Variants in DYTN observed in about 807,000 individuals in gnomAD.
DYTN encodes the protein dystrotelin.
DYTN carries 75 observed loss-of-function variants against 69.6 expected under a neutral mutation model. The observed-to-expected ratio is 1.08, with a 90% CI of 0.89 to 1.31. DYTN has a LOEUF of 1.31. DYTN is among the 50% of genes most tolerant of loss of function. The pLI is 0.00. For missense variants in DYTN, 726 were observed against 688.4 expected (o/e 1.05, Z -0.61); for synonymous variants, 252 against 249.1 (o/e 1.01, Z -0.11).
In DYTN at chr2:206,693,197, C is replaced by T; in HGVS notation, c.958G>A (p.Val320Met). Reference sequence around the variant, plus strand: ...CACCTGGCCTGCGCATGGTGAGGCACACCCTTTGGATTCACCTGGTCCAGC... The same window carrying T: ...CACCTGGCCTGCGCATGGTGAGGCATACCCTTTGGATTCACCTGGTCCAGC... ...QLLDQVNPKG[V>M]PHHAQARLLK... Residue 320 changes from valine (V) to methionine (M), a missense_variant, in exon 9 of 12, where the codon GTG (valine) becomes ATG (methionine). Transcript: ENST00000452335. 6.2e-7 allele frequency: 1 copy of T among 1,612,390 alleles called. No individual in the cohort carries two copies. Among genetic ancestry groups the T allele is most frequent in the Non-Finnish European group, 8.5e-7 (1 of 1,179,594 alleles).
chr2:206,665,898 T>C lies in DYTN; in HGVS notation c.1112A>G (p.Lys371Arg). The C allele has an allele frequency of 6.2e-7, 1 of 1,613,970 alleles. No individual in the cohort carries two copies. ...LKTNQDSLWTKLQQIRRDLQA... is the reference protein window; with the variant it reads ...LKTNQDSLWTRLQQIRRDLQA... ...TAGGTCCCGTCTTATCTGTTGTAGC[T>C]TGGTCCATAGACTATCCTGGTTGGT... Residue 371 changes from lysine to arginine, a missense_variant, in exon 10 of 12, where the codon AAG (lysine) becomes AGG (arginine). Transcript: ENST00000452335.
intron 11 of DYTN, among the ~76,000 whole-genome samples, chr2:206,658,831 T>C (rs1464674511): frequency 6.6e-6 from 1 of 152,194 alleles, no homozygotes; most frequent in Non-Finnish European, 1.5e-5. Context: ...TCTACTCCTC[T>C]GTCTTGACTT....
At chr2:206,667,248 T>C (rs1396570714) in intron 9 of DYTN, among the ~76,000 whole-genome samples, 1 of 152,170 alleles carries the variant, frequency 6.6e-6, no homozygotes, top group Non-Finnish European at 1.5e-5. Flanking sequence ...CTTTCCGGCT[T>C]ATTCACTGCC....
intron 9 of DYTN, among the ~76,000 whole-genome samples, chr2:206,674,477 C>A (rs550320934): frequency 6.6e-6 from 1 of 152,060 alleles, no homozygotes; most frequent in East Asian, 1.9e-4. Context: ...GTGCCCAGGG[C>A]TTTACTGTTG....
chr2:206,685,870 C>G (rs1699799861), intron 9 of DYTN, among the ~76,000 whole-genome samples: 1 of 151,998 alleles, frequency 6.6e-6, no homozygotes, highest in Non-Finnish European at 1.5e-5. Flanking sequence ...AACACTCCAG[C>G]ACCAGCCAAA....
In DYTN at chr2:206,707,296, C is replaced by G; in HGVS notation, c.296+6G>C. 6.2e-7 allele frequency: 1 copy of G among 1,610,406 alleles called. No individual in the cohort carries two copies. Among genetic ancestry groups the G allele is most frequent in the Non-Finnish European group, 8.5e-7 (1 of 1,178,576 alleles). On this transcript the variant is annotated splice_donor_region_variant and intron_variant, in intron 3 of 11. Coordinates refer to ENST00000452335, the MANE Select transcript of DYTN (RefSeq NM_001093730.1). ...TGAGGTCACAGCGCGACGTCCACACCCTCACCTGTTGTACATTGTCGTGAG... is the reference window on the plus strand; with the variant it reads ...TGAGGTCACAGCGCGACGTCCACACGCTCACCTGTTGTACATTGTCGTGAG...
At chr2:206,664,073 GA>G (rs35598459) in intron 10 of DYTN, among the ~76,000 whole-genome samples, 1,750 of 142,032 alleles carry the variant, frequency 0.012, 26 homozygotes, top group South Asian at 0.089. Context: ...ACTAGCAGTG[GA>G]AAAAAAAAAA....
chr2:206,713,126 C>A (rs1283033035), intron 1 of DYTN, among the ~76,000 whole-genome samples: 1 of 152,096 alleles, frequency 6.6e-6, no homozygotes, highest in Admixed American at 6.6e-5. Context: ...TTTTAATTGA[C>A]AAATAAATAT....
intron 7 of DYTN, among the ~76,000 whole-genome samples, chr2:206,697,438 CTACCTGCAGATCTGCAA>C (rs1163879496): frequency 6.6e-6 from 1 of 152,192 alleles, no homozygotes; most frequent in Non-Finnish European, 1.5e-5. Flanking sequence ...CCTCTTCCTG[CTACCTGCAGATCTGCAA>C]ATGCATGCCC....
intron 8 of DYTN, among the ~76,000 whole-genome samples, chr2:206,694,218 C>G (rs745671836): frequency 5.9e-5 from 9 of 152,098 alleles, no homozygotes; most frequent in Non-Finnish European, 1.0e-4. Flanking sequence ...ACTGAATTCA[C>G]TTGCTAGGTA....
At chr2:206,703,671 C>A (rs574539974) in intron 5 of DYTN, among the ~76,000 whole-genome samples, 1 of 152,162 alleles carries the variant, frequency 6.6e-6, no homozygotes, top group African/African-American at 2.4e-5. Flanking sequence ...AATCCATACT[C>A]CCTGTCCTAG....
intron 9 of DYTN, among the ~76,000 whole-genome samples, chr2:206,675,145 G>GTGTGTGTGTATA (rs1415225495): frequency 0.017 from 2,015 of 120,194 alleles, 48 homozygotes; most frequent in African/African-American, 0.064. Context: ...GTGTGTGTGT[G>GTGTGTGTGTATA]TATATATGTG....
intron 4 of DYTN, 51 bp downstream of exon 4, chr2:206,705,737 G>A (rs1574603073): frequency 1.9e-6 from 3 of 1,562,378 alleles, no homozygotes; most frequent in Non-Finnish European, 2.6e-6. Context: ...AACAGGTTGG[G>A]GATTTGGGGC....
In DYTN at chr2:206,677,078, C is replaced by G. The variant is rs1282416113; in HGVS notation, c.981-11049G>C. ...TCTCCTGCCTCAACCTCCCGAGTAG[C>G]TGGGATTACCGGAGTGTGCCACCAC... On this transcript the variant is annotated intron_variant, in intron 9 of 11. Transcript: ENST00000452335. Among the ~76,000 whole-genome samples the G allele has an allele frequency of 2.0e-5, 3 of 152,110 alleles. No individual in the cohort carries two copies. The East Asian group carries it at 5.8e-4, about 29-fold the overall frequency.
At chr2:206,676,635 A>G (rs958309012) in intron 9 of DYTN, among the ~76,000 whole-genome samples, 1 of 152,212 alleles carries the variant, frequency 6.6e-6, no homozygotes, top group African/African-American at 2.4e-5. Flanking sequence ...AAAAATGAAA[A>G]GGGGGAAAAT....
chr2:206,699,693 A>G lies in DYTN; in HGVS notation c.719+34T>C, dbSNP rs769624988. 1.3e-5 allele frequency: 21 copies of G among 1,598,378 alleles called. No individual in the cohort carries two copies. In the Admixed American group the frequency reaches 2.3e-4, roughly 17 times the overall value. ...CTCCAACTGTAGAACCATATGGAGA[A>G]TGATAATCCAAGAAATGCTGCTGAT... On this transcript the variant is annotated intron_variant, in intron 7 of 11. Transcript: ENST00000452335.
At chr2:206,712,988 C>T (rs949302926) in intron 1 of DYTN, among the ~76,000 whole-genome samples, 48 of 152,294 alleles carry the variant, frequency 3.2e-4, no homozygotes, top group African/African-American at 1.1e-3. Context: ...GTGTAGCTTG[C>T]GAATGAAATC....
chr2:206,679,804 T>TATA (rs1699730399), intron 9 of DYTN, among the ~76,000 whole-genome samples: 1 of 152,038 alleles, frequency 6.6e-6, no homozygotes, highest in South Asian at 2.1e-4. Context: ...ATACCAGGGG[T>TATA]GTGCATTTTG....
chr2:206,705,968 C>G, intron 3 of DYTN, 95 bp from the exon 4 acceptor site: 1 of 1,385,804 alleles, frequency 7.2e-7, no homozygotes. Flanking sequence ...ATGGGCATTT[C>G]TGATATGGTG....
Sources: gnomAD v4.1 joint callset for allele counts (sites outside exome capture counted in the v4.1 genomes callset) on GRCh38, gnomAD v4.1.1 for gene constraint, MANE v1.5 for transcripts, NCBI Gene and HGNC (gene_info 2026-07-23, HGNC 2026-07-21) for gene names.